Variants in ESR1 observed in about 807,000 individuals in gnomAD.
The protein encoded by ESR1 is estrogen receptor.
In ESR1, 12 loss-of-function variants were observed where a neutral mutation model predicts 52.7. The observed-to-expected ratio is 0.23, with a 90% CI of 0.15 to 0.37. The LOEUF is 0.37. ESR1 is among the 10% of genes least tolerant of loss of function. The pLI is 1.00. For synonymous variants in ESR1, 305 were observed against 316.8 expected, an observed-to-expected ratio of 0.96 and a Z score of 0.39; for missense variants, 584 against 779.7, an observed-to-expected ratio of 0.75 and a Z score of 2.99.
chr6:151,801,352 A>C (rs1777225498), upstream of ESR1, among the ~76,000 whole-genome samples: 1 of 152,200 alleles, frequency 6.6e-6, no homozygotes, highest in African/African-American at 2.4e-5. Context: ...AGATCCTAAA[A>C]TATTGTTAAA....
At chr6:151,924,755 C>T (rs76095158) in intron 3 of ESR1, among the ~76,000 whole-genome samples, 4,343 of 152,278 alleles carry the variant, frequency 0.029, 101 homozygotes, top group East Asian at 0.1. Context: ...TGTTCCTGTA[C>T]AGGACATGCT....
chr6:152,031,595 G>A (rs1224738024), intron 5 of ESR1, among the ~76,000 whole-genome samples: 1 of 152,148 alleles, frequency 6.6e-6, no homozygotes, highest in Non-Finnish European at 1.5e-5. Context: ...CCAGGAAGAA[G>A]CTGAATCTCT....
In ESR1 at chr6:151,944,307, A is replaced by C. The variant is rs1312526182; in HGVS notation, c.895A>C (p.Lys299Gln). ...ANLWPSPLMI[K>Q]RSKKNSLALS... Reference sequence around the variant, plus strand: ...CCTTTGGCCAAGCCCGCTCATGATCAAACGCTCTAAGAAGAACAGCCTGGC... The same window carrying C: ...CCTTTGGCCAAGCCCGCTCATGATCCAACGCTCTAAGAAGAACAGCCTGGC... The change falls in exon 4 of 8, where the codon AAA becomes CAA. Residue 299 changes from lysine (K) to glutamine (Q), a missense_variant. Transcript: ENST00000206249. 1.2e-6 allele frequency: 2 copies of C among 1,614,174 alleles called. No individual in the cohort carries two copies. Among genetic ancestry groups the C allele is most frequent in the Non-Finnish European group, 1.7e-6 (2 of 1,180,000 alleles).
intron 6 of ESR1, among the ~76,000 whole-genome samples, chr6:152,064,113 A>G (rs2047773236): frequency 6.6e-6 from 1 of 152,234 alleles, no homozygotes; most frequent in East Asian, 1.9e-4. Flanking sequence ...CATCCATAGG[A>G]CACACGTTGT....
At chr6:151,946,383 A>G (rs2035703590) in intron 4 of ESR1, among the ~76,000 whole-genome samples, 1 of 152,208 alleles carries the variant, frequency 6.6e-6, no homozygotes, top group Non-Finnish European at 1.5e-5. Context: ...GAGCATTTTA[A>G]ACAACTGGAA....
At chr6:151,987,804 G>A (rs570082666) in intron 4 of ESR1, among the ~76,000 whole-genome samples, 2 of 152,088 alleles carry the variant, frequency 1.3e-5, no homozygotes, top group East Asian at 1.9e-4. Flanking sequence ...TTTTTAGAAG[G>A]CTTTTGGATT....
chr6:151,827,926 C>A (rs921627103), intron 1 of ESR1, among the ~76,000 whole-genome samples: 1 of 152,186 alleles, frequency 6.6e-6, no homozygotes, highest in African/African-American at 2.4e-5. Context: ...AAATGTTATA[C>A]AATGTCATCA....
chr6:151,665,811 G>A (rs944500706), intron 1 of ESR1, among the ~76,000 whole-genome samples: 3 of 152,150 alleles, frequency 2.0e-5, no homozygotes. Flanking sequence ...TAGGAATATA[G>A]AGACATTATC....
At chr6:151,806,097 T>C (rs1415013212), upstream of ESR1, among the ~76,000 whole-genome samples, 1 of 152,200 alleles carries the variant, frequency 6.6e-6, no homozygotes, top group African/African-American at 2.4e-5. Context: ...GGAAATTAAA[T>C]CATCTGTAAA....
chr6:151,963,307 A>G (rs2037886634), intron 4 of ESR1, among the ~76,000 whole-genome samples: 1 of 152,172 alleles, frequency 6.6e-6, no homozygotes, highest in Non-Finnish European at 1.5e-5. Flanking sequence ...ATCTCTTTCC[A>G]GGGGGTAAAA....
chr6:151,819,535 A>G (rs1014919553), intron 1 of ESR1, among the ~76,000 whole-genome samples: 1 of 152,158 alleles, frequency 6.6e-6, no homozygotes, highest in African/African-American at 2.4e-5. Context: ...CCCTACTGTG[A>G]ACTGTGTATG....
rs543127790 is a variant in ESR1, at chr6:152,117,596, C to T, written c.851-7670C>T. ...AGAAAGATTATATCCAAGTCCCAAC[C>T]GGCTTCCTCAGCTCCCTAGATTAAA... On this transcript the variant is annotated intron_variant, in intron 6 of 6. Coordinates refer to the ESR1 transcript ENST00000427531. Among the ~76,000 whole-genome samples, 9 of 152,310 alleles carry T rather than the reference C, an allele frequency of 5.9e-5. No homozygotes were observed. In the East Asian group the frequency reaches 9.6e-4, roughly 16 times the overall value.
intron 1 of ESR1, among the ~76,000 whole-genome samples, chr6:151,831,689 G>T (rs1377692571): frequency 6.6e-6 from 1 of 152,074 alleles, no homozygotes; most frequent in Admixed American, 6.6e-5. Context: ...GGCTACCTTG[G>T]TTACTATTTC....
intron 6 of ESR1, chr6:152,125,222 T>C (rs963554742): frequency 1.5e-5 from 23 of 1,537,138 alleles, no homozygotes; most frequent in African/African-American, 4.1e-5. Flanking sequence ...TGGTTGGTGA[T>C]AGGAATAATG....
intron 2 of ESR1, among the ~76,000 whole-genome samples, chr6:151,777,656 G>A (rs569567689): frequency 3.3e-5 from 5 of 152,180 alleles, no homozygotes; most frequent in Admixed American, 6.5e-5. Flanking sequence ...GGGTGACCAT[G>A]GGTGATTAAA....
chr6:152,106,073 G>A (rs528604608), downstream of ESR1, among the ~76,000 whole-genome samples: 66 of 152,094 alleles, frequency 4.3e-4, no homozygotes, highest in African/African-American at 1.4e-3. Flanking sequence ...GATTACAGGC[G>A]TGAGCCACCG....
At chr6:151,799,742 C>T (rs75906954), upstream of ESR1, among the ~76,000 whole-genome samples, 443 of 152,286 alleles carry the variant, frequency 2.9e-3, 6 homozygotes, top group East Asian at 0.027. Flanking sequence ...AACAGGAAAT[C>T]AAGGAAGGCT....
intron 2 of ESR1, among the ~76,000 whole-genome samples, chr6:151,866,826 C>A (rs927902075): frequency 3.9e-5 from 6 of 152,120 alleles, no homozygotes; most frequent in African/African-American, 1.4e-4. Context: ...GATTTATAAT[C>A]CTTTGGGTAT....
At chr6:151,968,573 A>G (rs987295179) in intron 4 of ESR1, among the ~76,000 whole-genome samples, 5 of 152,092 alleles carry the variant, frequency 3.3e-5, no homozygotes, top group African/African-American at 1.2e-4. Flanking sequence ...TTTTTATGAC[A>G]TATTAATCAT....
Sources: gnomAD v4.1 joint callset for allele counts (sites outside exome capture counted in the v4.1 genomes callset) on GRCh38, gnomAD v4.1.1 for gene constraint, MANE v1.5 for transcripts, NCBI Gene and HGNC (gene_info 2026-07-23, HGNC 2026-07-21) for gene names.